RBPMS: variants seen among roughly 807,000 people sequenced by gnomAD.
RBPMS encodes the protein RNA-binding protein with multiple splicing.
A neutral mutation model predicts 26.8 loss-of-function variants in RBPMS; 7 were observed. That is an observed-to-expected ratio of 0.26 (90% CI 0.15 to 0.49). The LOEUF (loss-of-function observed/expected upper bound fraction) is 0.49. Among genes scored for constraint, RBPMS ranks in the 20% least tolerant of loss-of-function variants. The pLI is 0.98. For synonymous variants in RBPMS, 96 were observed against 93.3 expected, an observed-to-expected ratio of 1.03 and a Z score of -0.17; for missense variants, 186 against 250.0, an observed-to-expected ratio of 0.74 and a Z score of 1.73.
Position 30,544,578 on chromosome 8 carries a change from C to T in RBPMS, c.482C>T (p.Ala161Val), listed in dbSNP as rs745752899. ...CTGTACCCAGCGGAGTTAGCGCCTGCTCTACCTCCTCCTGCTTTCACCTAT... is the reference window on the plus strand; with the variant it reads ...CTGTACCCAGCGGAGTTAGCGCCTGTTCTACCTCCTCCTGCTTTCACCTAT... Reference protein sequence around the residue: ...YPLYPAELAPALPPPAFTYPA... With the variant: ...YPLYPAELAPVLPPPAFTYPA... Residue 161 changes from alanine to valine, a missense_variant, in exon 6 of 9, where the codon GCT becomes GTT. Physicochemically the swap from Ala to Val is moderately conservative, Grantham distance 64 (BLOSUM62 0). This residue lies in a region of RBPMS where 98 missense variants were observed against 113.6 expected (regional missense o/e 0.86). Coordinates refer to ENST00000397323, the MANE Select transcript of RBPMS (RefSeq NM_001008710.3). 2 of 1,614,198 alleles carry T rather than the reference C, an allele frequency of 1.2e-6. No individual in the cohort carries two copies. Among genetic ancestry groups the T allele is most frequent in the Non-Finnish European group, 1.7e-6 (2 of 1,180,040 alleles).
At chr8:30,560,042 G>A (rs987785863) in intron 7 of RBPMS, among the ~76,000 whole-genome samples, 1 of 152,206 alleles carries the variant, frequency 6.6e-6, no homozygotes, top group Admixed American at 6.5e-5. Context: ...CCACTTAATG[G>A]AGAAATGTTT....
chr8:30,500,742 G>T (rs538730773), intron 4 of RBPMS, among the ~76,000 whole-genome samples: 1 of 152,080 alleles, frequency 6.6e-6, no homozygotes, highest in Admixed American at 6.5e-5. Context: ...TGTCACTTTA[G>T]GCTGCAGCTG....
At chr8:30,505,079 G>A (rs1462110207) in intron 5 of RBPMS, among the ~76,000 whole-genome samples, 1 of 152,164 alleles carries the variant, frequency 6.6e-6, no homozygotes, top group African/African-American at 2.4e-5. Context: ...TTCATTATAT[G>A]TCCAGACTAC....
chr8:30,425,692 G>A (rs536041255), intron 1 of RBPMS, among the ~76,000 whole-genome samples: 1 of 152,124 alleles, frequency 6.6e-6, no homozygotes, highest in Non-Finnish European at 1.5e-5. Flanking sequence ...GAGCCACCGA[G>A]CCCGGCCCGG....
intron 1 of RBPMS, among the ~76,000 whole-genome samples, chr8:30,436,846 G>A (rs1227830042): frequency 2.0e-5 from 3 of 151,850 alleles, no homozygotes; most frequent in East Asian, 1.9e-4. Flanking sequence ...TTAAGGGCAC[G>A]TAATAAATAT....
At chr8:30,425,667 T>C (rs1811271044) in intron 1 of RBPMS, among the ~76,000 whole-genome samples, 1 of 152,096 alleles carries the variant, frequency 6.6e-6, no homozygotes, top group Admixed American at 6.5e-5. Flanking sequence ...CCCAGAGTGC[T>C]AGGATTATGG....
intron 4 of RBPMS, among the ~76,000 whole-genome samples, chr8:30,498,453 C>T (rs1344654193): frequency 6.6e-6 from 1 of 152,152 alleles, no homozygotes; most frequent in Admixed American, 6.5e-5. Context: ...GCTATGAATG[C>T]ATAGGCAAAG....
At chr8:30,431,402 TTTTC>T (rs997545330) in intron 1 of RBPMS, among the ~76,000 whole-genome samples, 4 of 150,100 alleles carry the variant, frequency 2.7e-5, no homozygotes, top group African/African-American at 7.4e-5. Context: ...TCTTTTTCTC[TTTTC>T]TTTCTTTTTC....
At chr8:30,492,370 A>G (rs1322315601) in intron 4 of RBPMS, among the ~76,000 whole-genome samples, 1 of 152,182 alleles carries the variant, frequency 6.6e-6, no homozygotes, top group Non-Finnish European at 1.5e-5. Context: ...CCTTTTCAGT[A>G]ATTAGAAGAT....
At chr8:30,475,897 G>A (rs551695355) in intron 2 of RBPMS, among the ~76,000 whole-genome samples, 2 of 152,204 alleles carry the variant, frequency 1.3e-5, no homozygotes, top group Non-Finnish European at 2.9e-5. Flanking sequence ...CAGAGGTCAG[G>A]TGCCAGGTCA....
chr8:30,557,634 GTCC>G (rs1365092029), intron 6 of RBPMS, among the ~76,000 whole-genome samples: 1 of 152,176 alleles, frequency 6.6e-6, no homozygotes, highest in Admixed American at 6.5e-5. Context: ...ATCTCAGTAA[GTCC>G]TCCTCTGCCA....
intron 1 of RBPMS, among the ~76,000 whole-genome samples, chr8:30,458,632 A>C (rs1411609985): frequency 6.6e-6 from 1 of 152,218 alleles, no homozygotes; most frequent in Non-Finnish European, 1.5e-5. Context: ...TCTGTGATGA[A>C]CTGGTTGCAC....
chr8:30,476,596 C>G (rs1188614342), intron 2 of RBPMS, among the ~76,000 whole-genome samples: 5 of 152,124 alleles, frequency 3.3e-5, no homozygotes, highest in African/African-American at 1.2e-4. Context: ...ATCTCAACAT[C>G]CTGCCCAGAA....
At position 30,546,340 on chromosome 8, in the gene RBPMS, T is replaced by G. The variant is rs371846030; in HGVS notation, c.528+1716T>G. On this transcript the variant is annotated intron_variant, in intron 6 of 8. Transcript: ENST00000397323. ...CACCCTTACCCTGGATAATCAAGAG[T>G]TGACAACAGCCAGAAAGTACTGGGA... 9.2e-5 allele frequency among the ~76,000 whole-genome samples: 14 copies of G among 152,276 alleles called. No individual in the cohort carries two copies. In the South Asian group the frequency reaches 2.9e-3, roughly 32 times the overall value.
intron 5 of RBPMS, among the ~76,000 whole-genome samples, chr8:30,539,893 T>TG (rs1825203607): frequency 6.6e-6 from 1 of 152,208 alleles, no homozygotes; most frequent in Non-Finnish European, 1.5e-5. Flanking sequence ...CCCAAAGTGC[T>TG]GGGATTACAG....
intron 8 of RBPMS, among the ~76,000 whole-genome samples, chr8:30,569,622 AATG>A (rs994158429): frequency 2.0e-5 from 3 of 152,274 alleles, no homozygotes; most frequent in Admixed American, 6.5e-5. Context: ...GTGATTTAGG[AATG>A]TTGTTGTCAT....
intron 1 of RBPMS, among the ~76,000 whole-genome samples, chr8:30,466,369 G>T (rs190899505): frequency 6.6e-6 from 1 of 152,104 alleles, no homozygotes; most frequent in Non-Finnish European, 1.5e-5. Context: ...GCAAGACCTC[G>T]TCCCTACAAA....
At chr8:30,551,381 C>T (rs1038431102) in intron 6 of RBPMS, among the ~76,000 whole-genome samples, 1 of 152,164 alleles carries the variant, frequency 6.6e-6, no homozygotes, top group Admixed American at 6.5e-5. Context: ...GGCTGTGTGG[C>T]TTTGGCCAGG....
intron 1 of RBPMS, among the ~76,000 whole-genome samples, chr8:30,391,079 G>A (rs964791985): frequency 4.7e-4 from 71 of 150,744 alleles, no homozygotes; most frequent in African/African-American, 1.7e-3. Flanking sequence ...AGGTGAGCCT[G>A]CCTGGTCCAT....
Sources: allele counts gnomAD v4.1 joint callset (sites outside exome capture counted in the v4.1 genomes callset), GRCh38; gene constraint gnomAD v4.1.1; regional missense constraint gnomAD v4.1.1; transcripts MANE v1.5; gene names NCBI Gene and HGNC (gene_info 2026-07-23, HGNC 2026-07-21).